CD96: variants seen among roughly 807,000 people sequenced by gnomAD.
The protein encoded by CD96 is T-cell surface protein tactile.
In CD96, 70 loss-of-function variants were observed where a neutral mutation model predicts 71.3. The ratio of observed to expected loss-of-function variants is 0.98; its 90% CI spans 0.81 to 1.20. The LOEUF (loss-of-function observed/expected upper bound fraction) is 1.20. Ranked by LOEUF, CD96 falls within the 50% of genes most tolerant of loss-of-function variation. The probability of loss-of-function intolerance (pLI) is 0.00; values close to 1 mark genes in which losing one functional copy is unlikely to be tolerated. For synonymous variants in CD96, 248 were observed against 233.0 expected (o/e 1.06, Z -0.59); for missense variants, 742 against 677.5 (o/e 1.10, Z -1.06).
In CD96 at chr3:111,545,321, A is replaced by T. The variant is rs979122628; in HGVS notation, c.337A>T (p.Ser113Cys). ...CTTAAGGAATATGTCTTGTTCAGTC[A>T]GTGGAAGGTACGAGTGTATGCTTGT... Reference protein sequence around the residue: ...LHLRNMSCSVSGRYECMLVLY... With the variant: ...LHLRNMSCSVCGRYECMLVLY... The change falls in exon 2 of 14, where the codon AGT becomes TGT. Residue 113 changes from serine (S) to cysteine (C), a missense_variant. Transcript: ENST00000352690. 1 of 1,614,152 alleles carries T rather than the reference A, an allele frequency of 6.2e-7. No individual in the cohort carries two copies. The highest frequency in any genetic ancestry group is 8.5e-7 in the Non-Finnish European group (1 of 1,179,954).
intron 3 of CD96, among the ~76,000 whole-genome samples, chr3:111,573,876 C>T (rs1936101094): frequency 1.3e-5 from 2 of 152,172 alleles, no homozygotes; most frequent in South Asian, 4.1e-4. Flanking sequence ...TACCTGATGG[C>T]AGCTGATTCT....
At chr3:111,604,867 C>G (rs899855119) in intron 7 of CD96, among the ~76,000 whole-genome samples, 1 of 151,008 alleles carries the variant, frequency 6.6e-6, no homozygotes, top group Non-Finnish European at 1.5e-5. Flanking sequence ...CAACCATGGA[C>G]AATAGGTTAA....
rs77401624 is a variant in CD96 at position 111,635,986 on chromosome 3, C to G, written c.1322-1210C>G. ...TTATTGCTCTTTGGAAATCAAATTC[C>G]GGCGAATGGCATAATCATTAAAAAA... On this transcript the variant is annotated intron_variant, in intron 10 of 13. Transcript: ENST00000352690. Among the ~76,000 whole-genome samples the G allele has an allele frequency of 8.4e-3, 1,271 of 152,214 alleles. 22 individuals are homozygous for G. Among genetic ancestry groups the G allele is most frequent in the African/African-American group, 0.029 (1,203 of 41,522 alleles).
chr3:111,571,029 G>A (rs899998318), intron 3 of CD96: 12 of 1,346,936 alleles, frequency 8.9e-6, no homozygotes, highest in African/African-American at 2.9e-5. Flanking sequence ...TGGGGTCAGC[G>A]GCTTGTAGGA....
chr3:111,633,535 A>G (rs529873965), intron 10 of CD96: 1 of 152,260 alleles, frequency 6.6e-6, no homozygotes, highest in Non-Finnish European at 1.5e-5. Context: ...AAACAAATGC[A>G]GTATCTGTGT....
intron 14 of CD96, among the ~76,000 whole-genome samples, chr3:111,665,182 T>TGA (rs1940452835): frequency 6.6e-6 from 1 of 151,982 alleles, no homozygotes; most frequent in Non-Finnish European, 1.5e-5. Flanking sequence ...AGTGTGTGTG[T>TGA]GTGTGTGTGT....
At chr3:111,645,941 T>C (rs1939807670) in intron 12 of CD96, among the ~76,000 whole-genome samples, 1 of 152,164 alleles carries the variant, frequency 6.6e-6, no homozygotes, top group Non-Finnish European at 1.5e-5. Flanking sequence ...ACAGAAAAGA[T>C]GTGATAACTA....
At chr3:111,570,277 A>G (rs1344616160) in intron 3 of CD96, among the ~76,000 whole-genome samples, 2 of 152,016 alleles carry the variant, frequency 1.3e-5, no homozygotes, top group African/African-American at 4.8e-5. Context: ...CTACCTGAAG[A>G]CAAATTATAG....
intron 8 of CD96, among the ~76,000 whole-genome samples, chr3:111,621,367 A>T (rs1257717935): frequency 6.6e-6 from 1 of 152,158 alleles, no homozygotes; most frequent in Non-Finnish European, 1.5e-5. Flanking sequence ...AAGGTAGGGG[A>T]GGAAGGAGGA....
chr3:111,604,617 T>A (rs1937573257), intron 7 of CD96, among the ~76,000 whole-genome samples: 1 of 152,210 alleles, frequency 6.6e-6, no homozygotes, highest in Non-Finnish European at 1.5e-5. Context: ...GCTGAACACC[T>A]CAGCTTACAA....
chr3:111,550,651 A>G (rs1009049621), intron 2 of CD96, among the ~76,000 whole-genome samples: 3 of 152,106 alleles, frequency 2.0e-5, no homozygotes, highest in Admixed American at 1.3e-4. Context: ...AGATGAGTGC[A>G]TATGATGAGG....
At chr3:111,647,301 A>C (rs1275001814) in intron 12 of CD96, among the ~76,000 whole-genome samples, 1 of 152,130 alleles carries the variant, frequency 6.6e-6, no homozygotes, top group African/African-American at 2.4e-5. Flanking sequence ...TAAAAAGGGT[A>C]TATATTCATG....
intron 3 of CD96, chr3:111,570,941 G>C (rs1178773878): frequency 1.1e-5 from 17 of 1,562,864 alleles, no homozygotes; most frequent in Non-Finnish European, 1.3e-5. Flanking sequence ...CAAAGTAGGG[G>C]GTCTTGAGTG....
chr3:111,572,460 C>T (rs1936025750), intron 3 of CD96, among the ~76,000 whole-genome samples: 1 of 152,184 alleles, frequency 6.6e-6, no homozygotes, highest in African/African-American at 2.4e-5. Context: ...TGTTACATGT[C>T]TGCAAAGGAC....
intron 1 of CD96, among the ~76,000 whole-genome samples, chr3:111,542,761 A>G (rs1029469359): frequency 2.6e-5 from 4 of 152,242 alleles, no homozygotes; most frequent in African/African-American, 9.6e-5. Context: ...TCATCCAAAT[A>G]CTAAGGTCTT....
At chr3:111,633,211 A>G (rs1939159106) in intron 10 of CD96, among the ~76,000 whole-genome samples, 1 of 152,036 alleles carries the variant, frequency 6.6e-6, no homozygotes, top group Non-Finnish European at 1.5e-5. Context: ...GGAGAGGAAG[A>G]GGGATGGGGG....
At chr3:111,594,172 C>A (rs773231175) in intron 5 of CD96, 1 of 1,603,826 alleles carries the variant, frequency 6.2e-7, no homozygotes, top group Middle Eastern at 1.7e-4. Context: ...TCATTGTTCC[C>A]TCCTCTTCCT....
intron 3 of CD96, chr3:111,570,986 G>A (rs1935953965): frequency 6.6e-7 from 1 of 1,504,052 alleles, no homozygotes; most frequent in African/African-American, 1.4e-5. Context: ...TGAAAAGCTG[G>A]GAGGGCATCT....
intron 12 of CD96, among the ~76,000 whole-genome samples, chr3:111,638,748 G>A (rs776380857): frequency 2.0e-5 from 3 of 152,194 alleles, no homozygotes; most frequent in Non-Finnish European, 4.4e-5. Context: ...GCCACACCTA[G>A]GTACTCAGCT....
Sources: allele counts gnomAD v4.1 joint callset (sites outside exome capture counted in the v4.1 genomes callset), GRCh38; gene constraint gnomAD v4.1.1; transcripts MANE v1.5; gene names NCBI Gene and HGNC (gene_info 2026-07-23, HGNC 2026-07-21).